GSN: variants seen among roughly 807,000 people sequenced by gnomAD.
The protein encoded by GSN is gelsolin.
Under a neutral mutation model 85.7 loss-of-function variants are expected in GSN, and 56 were observed. That is an observed-to-expected ratio of 0.65 (90% CI 0.53 to 0.82). GSN has a LOEUF of 0.82. Among genes scored for constraint, GSN ranks in the 40% least tolerant of loss-of-function variants. The pLI is 0.00. For synonymous variants in GSN, 373 were observed against 399.1 expected (o/e 0.93, Z 0.78); for missense variants, 857 against 979.8 (o/e 0.87, Z 1.67).
intron 4 of GSN, among the ~76,000 whole-genome samples, chr9:121,307,251 A>T (rs2060515676): frequency 6.6e-6 from 1 of 152,236 alleles, no homozygotes; most frequent in Non-Finnish European, 1.5e-5. Flanking sequence ...ACATGAAGCA[A>T]CCCTTTTCCT....
Position 121,327,299 on chromosome 9 carries a change from C to G in GSN, c.1588-9C>G. On this transcript the variant is annotated splice_polypyrimidine_tract_variant and intron_variant, in intron 13 of 17. Transcript: ENST00000432226. ...CTGGTTCCTGATTAACCAAGCTGTACCCTCCCAGGTATTGCCTAAGGCTGG... is the reference window on the plus strand; with the variant it reads ...CTGGTTCCTGATTAACCAAGCTGTAGCCTCCCAGGTATTGCCTAAGGCTGG... 6.2e-7 allele frequency: 1 copy of G among 1,612,374 alleles called. No individual in the cohort carries two copies. Among genetic ancestry groups the G allele is most frequent in the Non-Finnish European group, 8.5e-7 (1 of 1,178,422 alleles).
At chr9:121,216,980 CTCT>C (rs1051046527) in intron 4 of GSN, among the ~76,000 whole-genome samples, 2 of 152,278 alleles carry the variant, frequency 1.3e-5, no homozygotes, top group African/African-American at 2.4e-5. Flanking sequence ...TCCTAATTTC[CTCT>C]TCTTTTTTTA....
chr9:121,330,703 A>G (rs985324528), intron 16 of GSN, among the ~76,000 whole-genome samples: 3 of 152,244 alleles, frequency 2.0e-5, no homozygotes, highest in African/African-American at 7.2e-5. Flanking sequence ...CAGCTAAATA[A>G]TGTGTAATAG....
intron 5 of GSN, among the ~76,000 whole-genome samples, chr9:121,244,044 T>C (rs1315588864): frequency 6.6e-6 from 1 of 152,244 alleles, no homozygotes; most frequent in African/African-American, 2.4e-5. Flanking sequence ...ACTGGTCTGT[T>C]CTCTGTCCCT....
At chr9:121,319,343 G>T (rs1191472733) in intron 10 of GSN, among the ~76,000 whole-genome samples, 1 of 152,174 alleles carries the variant, frequency 6.6e-6, no homozygotes, top group Non-Finnish European at 1.5e-5. Flanking sequence ...TATCCCAGGG[G>T]GCTAGTGCTG....
At chr9:121,327,914 C>T (rs1233134341) in intron 14 of GSN, among the ~76,000 whole-genome samples, 2 of 149,682 alleles carry the variant, frequency 1.3e-5, no homozygotes, top group African/African-American at 2.6e-5. Context: ...TTGGAGGTTG[C>T]GGTGAGCTGA....
chr9:121,278,755 G>A (rs1358718055), intron 1 of GSN, among the ~76,000 whole-genome samples: 1 of 152,248 alleles, frequency 6.6e-6, no homozygotes, highest in East Asian at 1.9e-4. Context: ...TTGTTTTTAA[G>A]CTGCTGCAGC....
intron 1 of GSN, among the ~76,000 whole-genome samples, chr9:121,270,288 AGAGCT>A (rs1247606937): frequency 6.6e-6 from 1 of 152,226 alleles, no homozygotes; most frequent in Non-Finnish European, 1.5e-5. Flanking sequence ...AAGGCAATGA[AGAGCT>A]GAGAAAGGGT....
In GSN at chr9:121,329,296, T is replaced by A; in HGVS notation, c.1946T>A (p.Leu649His). 1 of 1,607,584 alleles carries A rather than the reference T, an allele frequency of 6.2e-7. No individual in the cohort carries two copies. Among genetic ancestry groups the A allele is most frequent in the African/African-American group, 1.3e-5 (1 of 74,844 alleles). ...GACCTGGCAACGGATGACGTCATGC[T>A]TCTGGACACCTGGGACCAGGTGGGT... ...QEDLATDDVMLLDTWDQVFVW... is the reference protein window; with the variant it reads ...QEDLATDDVMHLDTWDQVFVW... The change falls in exon 16 of 18, where the codon CTT (leucine) becomes CAT (histidine). Residue 649 changes from leucine to histidine, a missense_variant. By Grantham distance (99) the Leu-to-His change is moderately conservative. Transcript: ENST00000432226. The surrounding 1 kb of genome is among the most constrained non-coding windows in gnomAD (Gnocchi z 4.6).
chr9:121,257,198 ATACTC>A (rs1195162384), intron 6 of GSN, among the ~76,000 whole-genome samples: 2 of 152,212 alleles, frequency 1.3e-5, no homozygotes, highest in Non-Finnish European at 2.9e-5. Flanking sequence ...CATTATATAT[ATACTC>A]TACGGAAAAG....
intron 4 of GSN, among the ~76,000 whole-genome samples, chr9:121,307,360 T>A (rs191887061): frequency 4.3e-4 from 65 of 152,306 alleles, no homozygotes; most frequent in Admixed American, 1.6e-3. Flanking sequence ...TTCCCCCCAT[T>A]TCCTTGTCTC....
chr9:121,329,424 G>A lies in GSN; in HGVS notation c.1965+109G>A. 1 of 766,330 alleles carries A rather than the reference G, an allele frequency of 1.3e-6. No individual in the cohort carries two copies. The highest frequency in any genetic ancestry group is 2.4e-6 in the Non-Finnish European group (1 of 423,368). The allele number at this position is 766,330 out of a possible 1,614,324, so 47.5% of individuals were successfully genotyped here. On this transcript the variant is annotated intron_variant, in intron 16 of 17. Transcript: ENST00000432226. This position sits in a 1 kb window ranked among gnomAD's most constrained non-coding sequence, Gnocchi z 4.6. ...GGACCTAAAGGGGGCAGTGCCAGGT[G>A]TTGCCAGAAAAGTCTCTAAGGGTAC... is the stretch of plus-strand genomic sequence containing the variant.
intron 16 of GSN, among the ~76,000 whole-genome samples, chr9:121,330,618 T>C (rs2063778508): frequency 6.6e-6 from 1 of 152,234 alleles, no homozygotes. Context: ...TATTGTCTAA[T>C]GCCATTTTAT....
intron 6 of GSN, among the ~76,000 whole-genome samples, chr9:121,258,858 C>T (rs937998697): frequency 2.6e-5 from 4 of 152,188 alleles, no homozygotes; most frequent in African/African-American, 9.7e-5. Context: ...ATTTGATCAT[C>T]TGTTCATCCT....
At chr9:121,310,618 C>T (rs1395121167) in intron 4 of GSN, 66 bp from the exon 5 acceptor site, 3 of 1,507,174 alleles carry the variant, frequency 2.0e-6, no homozygotes, top group South Asian at 2.3e-5. Context: ...AATTCTGTCC[C>T]CTTCTTCCAT....
intron 4 of GSN, among the ~76,000 whole-genome samples, chr9:121,307,042 G>A (rs893360635): frequency 2.0e-5 from 3 of 152,152 alleles, no homozygotes; most frequent in African/African-American, 4.8e-5. Flanking sequence ...TTAGCCGGGC[G>A]TGGTGGCGGG....
intron 1 of GSN, 120 bp from the exon 2 acceptor site, chr9:121,281,350 A>G (rs1290850804): frequency 5.8e-6 from 2 of 347,342 alleles, no homozygotes; most frequent in Non-Finnish European, 5.7e-6. Flanking sequence ...GGATGTGTGC[A>G]AGTACTGATT....
intron 5 of GSN, chr9:121,240,136 CTGTT>C (rs1165448920): frequency 6.6e-6 from 1 of 152,296 alleles, no homozygotes; most frequent in African/African-American, 2.4e-5. Flanking sequence ...CTGTATTTGT[CTGTT>C]TCTGTGTCCA....
At chr9:121,285,668 G>A (rs1157542798) in intron 2 of GSN, 1 of 168,142 alleles carries the variant, frequency 5.9e-6, no homozygotes, top group Non-Finnish European at 1.3e-5. Context: ...GGCAGGCCCT[G>A]AACCTGTTCA....
Sources: allele counts gnomAD v4.1 joint callset (sites outside exome capture counted in the v4.1 genomes callset), GRCh38; gene constraint gnomAD v4.1.1; non-coding constraint Gnocchi (gnomAD v3.1); transcripts MANE v1.5; gene names NCBI Gene and HGNC (gene_info 2026-07-23, HGNC 2026-07-21).